Variants in RIC3 observed in about 807,000 individuals in gnomAD.
RIC3 encodes the protein RIC3 acetylcholine receptor chaperone.
RIC3 carries 28 observed loss-of-function variants against 27.3 expected under a neutral mutation model. The ratio of observed to expected loss-of-function variants is 1.02; its 90% CI spans 0.76 to 1.41. RIC3 has a LOEUF of 1.41. Among genes scored for constraint, RIC3 ranks in the 40% most tolerant of loss-of-function variants. The pLI is 0.00. For missense variants in RIC3, 501 were observed against 444.7 expected, an observed-to-expected ratio of 1.13 and a Z score of -1.14; for synonymous variants, 184 against 160.4, an observed-to-expected ratio of 1.15 and a Z score of -1.11.
At position 8,165,762 on chromosome 11, in the gene RIC3, T is replaced by G. The variant is rs574605487; in HGVS notation, c.124+3104A>C. Among the ~76,000 whole-genome samples the G allele has an allele frequency of 5.9e-4, 86 of 146,224 alleles. 1 individual carries two copies. Among genetic ancestry groups the G allele is most frequent in the Admixed American group, 1.7e-3 (24 of 14,242 alleles). ...TCTATGTTCTATGAAACCTGTTTTT[T>G]GGGGTTTTTTTTTTGTTTTGTTTTG... is the stretch of plus-strand genomic sequence containing the variant. On this transcript the variant is annotated intron_variant, in intron 1 of 5. Coordinates refer to ENST00000309737, the MANE Select transcript of RIC3 (RefSeq NM_001206671.4).
chr11:8,140,503 G>C (rs1461941404), intron 1 of RIC3, among the ~76,000 whole-genome samples: 1 of 152,174 alleles, frequency 6.6e-6, no homozygotes, highest in African/African-American at 2.4e-5. Flanking sequence ...GACTGTGCTA[G>C]CTCAAGGCCT....
chr11:8,165,605 G>A (rs1951605901), intron 1 of RIC3, among the ~76,000 whole-genome samples: 1 of 151,722 alleles, frequency 6.6e-6, no homozygotes, highest in Admixed American at 6.6e-5. Flanking sequence ...TCTAAAATTG[G>A]TTGTAGTGAT....
chr11:8,154,619 A>AT lies in RIC3; in HGVS notation c.124+14246dup, dbSNP rs200172458. Among the ~76,000 whole-genome samples, 971 of 152,346 alleles carry AT rather than the reference A, an allele frequency of 6.4e-3. 22 individuals are homozygous for AT. The highest frequency in any genetic ancestry group is 0.051 in the Admixed American group (780 of 15,300). ...CTCTAGTTGATTCATTTAAACTGCA[A>AT]TATAGCATCACATTGTATGACCATA... On this transcript the variant is annotated intron_variant, in intron 1 of 5. Coordinates refer to ENST00000309737, the MANE Select transcript of RIC3 (RefSeq NM_001206671.4).
chr11:8,098,713 G>C, the RIC3 span: 1 of 1,432,346 alleles, frequency 7.0e-7, no homozygotes, highest in East Asian at 2.3e-5. Flanking sequence ...CCCTGCTCTG[G>C]GGCAGAGGGT....
the RIC3 span, chr11:8,100,616 C>T: frequency 6.2e-7 from 1 of 1,609,520 alleles, no homozygotes; most frequent in Non-Finnish European, 8.5e-7. Context: ...GTGTCTACCC[C>T]TTCCTCCCCT....
At chr11:8,103,152 GGA>G (rs1385094073), downstream of RIC3, 2 of 152,270 alleles carry the variant, frequency 1.3e-5, no homozygotes, top group African/African-American at 2.4e-5. Context: ...GGTCTAGGTG[GGA>G]GAGAGTGCAT....
downstream of RIC3, chr11:8,103,331 G>A (rs1944387887): frequency 6.6e-6 from 1 of 152,190 alleles, no homozygotes; most frequent in South Asian, 2.1e-4. Context: ...GAAATTGGTG[G>A]GAAGCAAGCA....
At chr11:8,099,671 A>T in the RIC3 span, among the ~76,000 whole-genome samples, 17 of 152,206 alleles carry the variant, frequency 1.1e-4, no homozygotes, top group Non-Finnish European at 1.9e-4. Flanking sequence ...CAGTGAAGTA[A>T]GTATGTTCTT....
At chr11:8,137,336 C>G (rs1400267709) in intron 4 of RIC3, 42 bp downstream of exon 4, 2 of 1,571,842 alleles carry the variant, frequency 1.3e-6, no homozygotes, top group Non-Finnish European at 1.7e-6. Flanking sequence ...AATTTATTTT[C>G]TAAATGAGAA....
the RIC3 span, chr11:8,093,974 T>C: frequency 6.3e-7 from 1 of 1,588,784 alleles, no homozygotes; most frequent in Non-Finnish European, 8.6e-7. Context: ...CTGGGGACTG[T>C]GTTCAGGTGG....
intron 1 of RIC3, among the ~76,000 whole-genome samples, chr11:8,156,080 A>T (rs1275265899): frequency 6.6e-6 from 1 of 152,170 alleles, no homozygotes. Context: ...TATATTACTA[A>T]AAGAGATCAT....
rs766978992 is a variant in RIC3 at position 8,110,934 on chromosome 11, A to C, written c.874T>G (p.Ser292Ala). 1.2e-6 allele frequency: 2 copies of C among 1,614,176 alleles called. No individual in the cohort carries two copies. Among genetic ancestry groups the C allele is most frequent in the South Asian group, 2.2e-5 (2 of 91,074 alleles). Residue 292 changes from serine (S) to alanine (A), a missense_variant, in exon 6 of 6, where the codon TCT becomes GCT. Coordinates refer to ENST00000309737, the MANE Select transcript of RIC3 (RefSeq NM_001206671.4). ...PTDPRAQEDN[S>A]VTSCDPKPET... ...GGCTTTGGATCACACGAGGTAACAGAATTATCTTCCTGGGCTCTGGGGTCA... is the reference window on the plus strand; with the variant it reads ...GGCTTTGGATCACACGAGGTAACAGCATTATCTTCCTGGGCTCTGGGGTCA...
At position 8,147,254 on chromosome 11, in the gene RIC3, A is replaced by G. The variant is rs572138026; in HGVS notation, c.125-7061T>C. On this transcript the variant is annotated intron_variant, in intron 1 of 5. Coordinates refer to ENST00000309737, the MANE Select transcript of RIC3 (RefSeq NM_001206671.4). ...TGTCTCATGTCTCCCTAAAATGTATAAAACTAAGCTGTGCCCTGACCACCC... is the reference window on the plus strand; with the variant it reads ...TGTCTCATGTCTCCCTAAAATGTATGAAACTAAGCTGTGCCCTGACCACCC... Among the ~76,000 whole-genome samples, 5 of 152,338 alleles carry G rather than the reference A, an allele frequency of 3.3e-5. No homozygotes were observed. In the East Asian group the frequency reaches 9.6e-4, roughly 29 times the overall value.
chr11:8,128,087 G>C (rs1208998432), intron 4 of RIC3: 1 of 404,206 alleles, frequency 2.5e-6, no homozygotes, highest in African/African-American at 2.1e-5. Flanking sequence ...GCCTCTGATA[G>C]CTCTATTCTT....
chr11:8,111,194 A>G (rs79437937), intron 5 of RIC3, 57 bp from the exon 6 acceptor site: 1 of 1,258,076 alleles, frequency 7.9e-7, no homozygotes, highest in Non-Finnish European at 1.1e-6. Context: ...AAAAAAAAAA[A>G]ATAGTGTCAG....
the RIC3 span, among the ~76,000 whole-genome samples, chr11:8,093,265 T>C: frequency 6.6e-6 from 1 of 151,846 alleles, no homozygotes; most frequent in Non-Finnish European, 1.5e-5. Context: ...GGGAGGGCAG[T>C]GCAGGCAGCA....
Position 8,107,102 on chromosome 11 carries a change from T to C in RIC3, c.*3596A>G, listed in dbSNP as rs1944750280. ...AGAAATTTGGGCTATTTTCTTTGTA[T>C]AAAAAAAGGGAAATAAAGGAAAAGG... On this transcript the variant is annotated 3_prime_UTR_variant, in exon 6 of 6. Coordinates refer to ENST00000309737, the MANE Select transcript of RIC3 (RefSeq NM_001206671.4). The C allele has an allele frequency of 1.3e-5, 2 of 152,044 alleles. No homozygotes were observed. The highest frequency in any genetic ancestry group is 4.8e-5 in the African/African-American group (2 of 41,392). The allele number at this position is 152,044 out of a possible 1,614,324, so 9.4% of individuals were successfully genotyped here.
the RIC3 span, chr11:8,097,651 C>A: frequency 6.9e-7 from 1 of 1,438,908 alleles, no homozygotes; most frequent in Non-Finnish European, 9.7e-7. Flanking sequence ...GTGTGAGTGG[C>A]TCTCATGACT....
intron 4 of RIC3, chr11:8,128,285 T>C (rs1947230416): frequency 2.8e-5 from 13 of 457,210 alleles, no homozygotes; most frequent in South Asian, 2.0e-4. Context: ...ACGCAGGGCA[T>C]TCTGATCTTC....
Sources: gnomAD v4.1 joint callset for allele counts (sites outside exome capture counted in the v4.1 genomes callset) on GRCh38, gnomAD v4.1.1 for gene constraint, MANE v1.5 for transcripts, NCBI Gene and HGNC (gene_info 2026-07-23, HGNC 2026-07-21) for gene names.